The following AUTS2 variants were observed in gnomAD, a reference collection of about 807,000 sequenced individuals.
AUTS2 encodes the protein autism susceptibility gene 2 protein.
A neutral mutation model predicts 112.4 loss-of-function variants in AUTS2; 17 were observed. That is an observed-to-expected ratio of 0.15 (90% CI 0.10 to 0.23). The LOEUF is 0.23. AUTS2 is among the 10% of genes least tolerant of loss of function. The pLI is 1.00. For missense variants in AUTS2, 1,510 were observed against 1,701.6 expected (o/e 0.89, Z 1.98); for synonymous variants, 751 against 702.7 (o/e 1.07, Z -1.09).
chr7:70,322,050 A>G (rs577180066), intron 4 of AUTS2, among the ~76,000 whole-genome samples: 326 of 152,268 alleles, frequency 2.1e-3, no homozygotes, highest in African/African-American at 7.5e-3. Flanking sequence ...TAGAGACAGA[A>G]TTCCTCTTTA....
rs1216171126 is a variant in AUTS2, at chr7:70,792,395, C to T, written c.*1399C>T. 1 of 150,402 alleles carries T rather than the reference C, an allele frequency of 6.6e-6. No homozygotes were observed. Among genetic ancestry groups the T allele is most frequent in the Non-Finnish European group, 1.5e-5 (1 of 67,870 alleles). 9.3% of individuals were successfully genotyped at this position (150,402 alleles called of 1,614,324 possible). A position where few individuals can be genotyped will look rare whatever the true frequency, so the allele number is the denominator to read the frequency against. ...AGAGAAATACAATATATCTTGTCTACTGGACTGTAAAATATATGTATGAAA... is the reference window on the plus strand; with the variant it reads ...AGAGAAATACAATATATCTTGTCTATTGGACTGTAAAATATATGTATGAAA... On this transcript the variant is annotated 3_prime_UTR_variant, in exon 19 of 19. Transcript: ENST00000342771.
At chr7:70,351,770 C>T (rs184063937) in intron 4 of AUTS2, among the ~76,000 whole-genome samples, 5 of 136,812 alleles carry the variant, frequency 3.7e-5, no homozygotes, top group Admixed American at 3.6e-4. Flanking sequence ...GGTGTGATCT[C>T]GGCTTACTGC....
intron 1 of AUTS2, among the ~76,000 whole-genome samples, chr7:69,780,557 A>G (rs565581199): frequency 1.3e-5 from 2 of 152,232 alleles, no homozygotes; most frequent in African/African-American, 2.4e-5. Context: ...GGGTAAAGAA[A>G]CCTGATCAGA....
chr7:70,465,086 CAG>C (rs1797121033), intron 5 of AUTS2, among the ~76,000 whole-genome samples: 1 of 152,162 alleles, frequency 6.6e-6, no homozygotes, highest in Non-Finnish European at 1.5e-5. Flanking sequence ...TACTGACTTT[CAG>C]AGGTTGAATG....
At chr7:70,072,393 A>T (rs1364176047) in intron 2 of AUTS2, among the ~76,000 whole-genome samples, 1 of 152,142 alleles carries the variant, frequency 6.6e-6, no homozygotes, top group African/African-American at 2.4e-5. Context: ...TGTGTAGGCC[A>T]TTCACAGCTG....
At position 70,734,085 on chromosome 7, in the gene AUTS2, A is replaced by G. The variant is rs1440628700; in HGVS notation, c.743-28785A>G. Among the ~76,000 whole-genome samples the G allele has an allele frequency of 3.3e-5, 5 of 152,052 alleles. No homozygotes were observed. The East Asian group carries it at 9.7e-4, about 29-fold the overall frequency. On this transcript the variant is annotated intron_variant, in intron 6 of 18. Transcript: ENST00000342771. ...AGCAAGGGCCTTGATTCTCATACTCAAGCCTCCCGACAGCCCGCTGCATGC... is the reference window on the plus strand; with the variant it reads ...AGCAAGGGCCTTGATTCTCATACTCGAGCCTCCCGACAGCCCGCTGCATGC...
chr7:69,915,819 C>G (rs913507757), intron 2 of AUTS2, among the ~76,000 whole-genome samples: 1 of 152,150 alleles, frequency 6.6e-6, no homozygotes, highest in Admixed American at 6.5e-5. Flanking sequence ...CTCTGCCCCC[C>G]GGGCTTAAGT....
rs1229668095 is a variant in AUTS2 at position 70,763,249 on chromosome 7, C to T, written c.1122C>T (p.Asn374=). Residue 374 remains asparagine, a synonymous_variant, in exon 7 of 19, where the codon AAC becomes AAT. Coordinates refer to ENST00000342771, the MANE Select transcript of AUTS2 (RefSeq NM_015570.4). Reference sequence around the variant, plus strand: ...CCCCCACCCAGCTGCTCCATCAGAACCTCCCACCTGTGCAGGCCCACCCCT... The same window carrying T: ...CCCCCACCCAGCTGCTCCATCAGAATCTCCCACCTGTGCAGGCCCACCCCT... ...PQSPTQLLHQ[N]LPPVQAHPSA... 2 of 1,614,046 alleles carry T rather than the reference C, an allele frequency of 1.2e-6. No individual in the cohort carries two copies. The highest frequency in any genetic ancestry group is 2.2e-5 in the South Asian group (2 of 91,040).
chr7:70,579,193 T>G lies in AUTS2; in HGVS notation c.691-119376T>G, dbSNP rs140775103. Among the ~76,000 whole-genome samples, 395 of 131,450 alleles carry G rather than the reference T, an allele frequency of 3.0e-3. 2 individuals carry two copies. The highest frequency in any genetic ancestry group is 0.011 in the African/African-American group (373 of 34,880). The allele number at this position is 131,450 out of a possible 152,430, so 86.2% of individuals were successfully genotyped here. ...ATCCACCCATCTCGGCCTCCACAAGTGTTGAGGTTGCAGGCATGAGCCATC... is the reference window on the plus strand; with the variant it reads ...ATCCACCCATCTCGGCCTCCACAAGGGTTGAGGTTGCAGGCATGAGCCATC... On this transcript the variant is annotated intron_variant, in intron 5 of 18. Coordinates refer to ENST00000342771, the MANE Select transcript of AUTS2 (RefSeq NM_015570.4).
chr7:70,638,406 C>T (rs1219202166), intron 5 of AUTS2, among the ~76,000 whole-genome samples: 1 of 152,184 alleles, frequency 6.6e-6, no homozygotes, highest in Non-Finnish European at 1.5e-5. Flanking sequence ...TTGAGAGCAA[C>T]TCTGCAGATG....
At chr7:69,634,268 C>T (rs933706554) in intron 1 of AUTS2, among the ~76,000 whole-genome samples, 20 of 151,848 alleles carry the variant, frequency 1.3e-4, no homozygotes, top group African/African-American at 4.1e-4. Flanking sequence ...TACAGGCGCC[C>T]GCCATCACGC....
chr7:70,115,954 A>G (rs1805335957), intron 2 of AUTS2, among the ~76,000 whole-genome samples: 1 of 152,194 alleles, frequency 6.6e-6, no homozygotes, highest in Non-Finnish European at 1.5e-5. Flanking sequence ...TATGGTGTGA[A>G]AAAAATGCAG....
At chr7:70,705,443 G>T (rs1809685512) in intron 6 of AUTS2, among the ~76,000 whole-genome samples, 1 of 152,140 alleles carries the variant, frequency 6.6e-6, no homozygotes, top group Non-Finnish European at 1.5e-5. Flanking sequence ...ATTTCATAGT[G>T]CCTGAACTTT....
At chr7:70,468,974 G>A (rs909215183) in intron 5 of AUTS2, among the ~76,000 whole-genome samples, 10 of 152,196 alleles carry the variant, frequency 6.6e-5, no homozygotes, top group Non-Finnish European at 1.0e-4. Flanking sequence ...GTTTCGTCAC[G>A]GGACTCTGCC....
At chr7:70,514,583 C>T (rs1215788680) in intron 5 of AUTS2, among the ~76,000 whole-genome samples, 1 of 152,252 alleles carries the variant, frequency 6.6e-6, no homozygotes, top group African/African-American at 2.4e-5. Context: ...AGAGTTCCGT[C>T]CCTATGACCC....
At chr7:69,728,274 A>G (rs1378997545) in intron 1 of AUTS2, among the ~76,000 whole-genome samples, 1 of 152,206 alleles carries the variant, frequency 6.6e-6, no homozygotes, top group Non-Finnish European at 1.5e-5. Context: ...CCTATTCCTG[A>G]TTATTCAGGG....
intron 4 of AUTS2, among the ~76,000 whole-genome samples, chr7:70,153,777 A>G (rs1455762151): frequency 3.9e-5 from 6 of 152,204 alleles, no homozygotes; most frequent in Non-Finnish European, 8.8e-5. Flanking sequence ...GCATGTTTTC[A>G]TCAGAGAAAT....
At chr7:69,828,481 T>A (rs1791355084) in intron 1 of AUTS2, among the ~76,000 whole-genome samples, 1 of 152,192 alleles carries the variant, frequency 6.6e-6, no homozygotes, top group African/African-American at 2.4e-5. Flanking sequence ...GTTGAATTGA[T>A]CAGCCTGAGT....
chr7:69,649,534 C>T (rs1795197033), intron 1 of AUTS2, among the ~76,000 whole-genome samples: 1 of 151,522 alleles, frequency 6.6e-6, no homozygotes, highest in Admixed American at 6.6e-5. Flanking sequence ...TGGCCTTTGG[C>T]GCTGTGAGCA....
Sources: gnomAD v4.1 joint callset for allele counts (sites outside exome capture counted in the v4.1 genomes callset) on GRCh38, gnomAD v4.1.1 for gene constraint, MANE v1.5 for transcripts, NCBI Gene and HGNC (gene_info 2026-07-23, HGNC 2026-07-21) for gene names.